FHL2: variants seen among roughly 807,000 people sequenced by gnomAD.
FHL2 encodes the protein four and a half LIM domains protein 2.
Under a neutral mutation model 32.7 loss-of-function variants are expected in FHL2, and 20 were observed. The ratio of observed to expected loss-of-function variants is 0.61; its 90% CI spans 0.43 to 0.89. The LOEUF is 0.89. Among genes scored for constraint, FHL2 ranks in the 40% least tolerant of loss-of-function variants. The pLI is 0.00. For synonymous variants in FHL2, 123 were observed against 128.1 expected (o/e 0.96, Z 0.27); for missense variants, 311 against 358.6 (o/e 0.87, Z 1.07).
At chr2:105,436,943 A>G (rs1309574951) in intron 1 of FHL2, among the ~76,000 whole-genome samples, 2 of 152,146 alleles carry the variant, frequency 1.3e-5, no homozygotes, top group African/African-American at 4.8e-5. Context: ...AATATGAAAC[A>G]TTTCAGAGAT....
chr2:105,401,233 TTTTTC>T (rs1403871235), upstream of FHL2, among the ~76,000 whole-genome samples: 10 of 152,278 alleles, frequency 6.6e-5, no homozygotes, highest in East Asian at 1.7e-3. Flanking sequence ...CACACATATA[TTTTTC>T]TTTTCTTAAG....
intron 1 of FHL2, among the ~76,000 whole-genome samples, chr2:105,431,012 A>T (rs1684415387): frequency 6.6e-6 from 1 of 152,222 alleles, no homozygotes; most frequent in South Asian, 2.1e-4. Flanking sequence ...AGCCTCCCAT[A>T]TCACGAAATA....
intron 1 of FHL2, among the ~76,000 whole-genome samples, chr2:105,398,634 C>G (rs114354675): frequency 0.044 from 6,711 of 152,284 alleles, 211 homozygotes; most frequent in Non-Finnish European, 0.063. Context: ...GTGGGCTCCT[C>G]TGAGCTCCAG....
chr2:105,426,360 T>G (rs1052018818), intron 1 of FHL2, among the ~76,000 whole-genome samples: 30 of 152,216 alleles, frequency 2.0e-4, no homozygotes, highest in African/African-American at 6.8e-4. Flanking sequence ...CTATGTTACC[T>G]TAACCAGGCT....
At chr2:105,426,949 T>C (rs1014110368) in intron 1 of FHL2, among the ~76,000 whole-genome samples, 3 of 152,252 alleles carry the variant, frequency 2.0e-5, no homozygotes, top group East Asian at 1.9e-4. Flanking sequence ...TAAAGACTTA[T>C]GTTGATAGAA....
chr2:105,411,318 T>C (rs1419472130), intron 1 of FHL2, among the ~76,000 whole-genome samples: 1 of 152,180 alleles, frequency 6.6e-6, no homozygotes, highest in Non-Finnish European at 1.5e-5. Context: ...TAAAGACAAA[T>C]TGTAACTTTA....
chr2:105,431,602 A>T (rs1273607257), intron 1 of FHL2, among the ~76,000 whole-genome samples: 1 of 152,122 alleles, frequency 6.6e-6, no homozygotes, highest in Non-Finnish European at 1.5e-5. Context: ...GAGAAGGAAG[A>T]GATGAGGTCA....
At chr2:105,393,629 T>C (rs1471862790) in intron 2 of FHL2, among the ~76,000 whole-genome samples, 1 of 152,202 alleles carries the variant, frequency 6.6e-6, no homozygotes, top group East Asian at 1.9e-4. Flanking sequence ...TTGTGAATAC[T>C]TGTGGAATGG....
At chr2:105,389,072 A>G (rs1474953828) in intron 2 of FHL2, among the ~76,000 whole-genome samples, 2 of 152,252 alleles carry the variant, frequency 1.3e-5, no homozygotes, top group African/African-American at 4.8e-5. Context: ...TCAAGAATTC[A>G]TTCTTGGATA....
chr2:105,409,706 G>A (rs999625832), intron 1 of FHL2, among the ~76,000 whole-genome samples: 9 of 152,156 alleles, frequency 5.9e-5, no homozygotes, highest in African/African-American at 1.4e-4. Context: ...AAGAGGATGC[G>A]AAGGGGTGAT....
chr2:105,399,055 GC>G (rs1683351129), upstream of FHL2: 1 of 1,495,844 alleles, frequency 6.7e-7, no homozygotes, highest in African/African-American at 1.5e-5. Flanking sequence ...GCCGAGTGGA[GC>G]GCTGCGCAGC....
upstream of FHL2, among the ~76,000 whole-genome samples, chr2:105,404,072 G>A (rs972914406): frequency 2.0e-5 from 3 of 152,204 alleles, no homozygotes; most frequent in African/African-American, 7.2e-5. Context: ...CCGGATGGGG[G>A]CTACCCCAGG....
intron 1 of FHL2, among the ~76,000 whole-genome samples, chr2:105,407,976 T>A (rs949213464): frequency 4.6e-5 from 7 of 152,238 alleles, no homozygotes. Context: ...TCAAATGCTT[T>A]AAAAAATTTC....
intron 4 of FHL2, among the ~76,000 whole-genome samples, chr2:105,369,074 CTGTA>C (rs1260770282): frequency 6.6e-6 from 1 of 152,186 alleles, no homozygotes; most frequent in Non-Finnish European, 1.5e-5. Flanking sequence ...GTGACAGAGA[CTGTA>C]TGGTCCACAA....
chr2:105,430,830 G>A (rs2104682563), intron 1 of FHL2, among the ~76,000 whole-genome samples: 1 of 152,312 alleles, frequency 6.6e-6, no homozygotes, highest in South Asian at 2.1e-4. Context: ...CCCATACAGA[G>A]GCCAAGATGA....
chr2:105,420,512 A>G (rs766218012), intron 1 of FHL2, among the ~76,000 whole-genome samples: 1 of 152,164 alleles, frequency 6.6e-6, no homozygotes, highest in Non-Finnish European at 1.5e-5. Flanking sequence ...GAGACACTCA[A>G]CCCATAACAC....
intron 1 of FHL2, among the ~76,000 whole-genome samples, chr2:105,398,430 C>T (rs944310975): frequency 4.6e-5 from 7 of 152,220 alleles, no homozygotes; most frequent in Admixed American, 1.3e-4. Flanking sequence ...CCCGGACTCC[C>T]CCGCGCAGAC....
upstream of FHL2, chr2:105,399,733 G>T: frequency 1.9e-6 from 2 of 1,030,480 alleles, no homozygotes; most frequent in Non-Finnish European, 2.7e-6. Flanking sequence ...GCTGGGTAGG[G>T]ACAGATGGCA....
intron 1 of FHL2, among the ~76,000 whole-genome samples, chr2:105,427,679 TGA>T (rs1197042289): frequency 6.6e-6 from 1 of 152,170 alleles, no homozygotes; most frequent in Non-Finnish European, 1.5e-5. Context: ...GTGAAAGGAA[TGA>T]GAGTGTTTGA....
Sources: gnomAD v4.1 joint callset for allele counts (sites outside exome capture counted in the v4.1 genomes callset) on GRCh38, gnomAD v4.1.1 for gene constraint, MANE v1.5 for transcripts, NCBI Gene and HGNC (gene_info 2026-07-23, HGNC 2026-07-21) for gene names.